The following FILIP1 variants were observed in gnomAD, a reference collection of about 807,000 sequenced individuals.
FILIP1 encodes the protein filamin-A-interacting protein 1.
FILIP1 carries 61 observed loss-of-function variants against 102.1 expected under a neutral mutation model. That is an observed-to-expected ratio of 0.60 (90% CI 0.49 to 0.74). FILIP1 has a LOEUF of 0.74. FILIP1 is among the 30% of genes least tolerant of loss of function. FILIP1 has a pLI of 0.00. For missense variants in FILIP1, 1,314 were observed against 1,441.2 expected (o/e 0.91, Z 1.43); for synonymous variants, 491 against 526.9 (o/e 0.93, Z 0.93).
At chr6:75,419,981 T>C (rs905845741) in intron 1 of FILIP1, among the ~76,000 whole-genome samples, 2 of 152,202 alleles carry the variant, frequency 1.3e-5, no homozygotes, top group South Asian at 4.1e-4. Flanking sequence ...TCTAATTACC[T>C]ACATTTATTA....
chr6:75,482,336 C>T (rs912214597), intron 1 of FILIP1, among the ~76,000 whole-genome samples: 3 of 152,184 alleles, frequency 2.0e-5, no homozygotes, highest in African/African-American at 7.2e-5. Context: ...CAATGGTATT[C>T]ATCAGCTGGA....
At chr6:75,474,002 G>A (rs188503429) in intron 1 of FILIP1, 115 of 152,146 alleles carry the variant, frequency 7.6e-4, no homozygotes, top group African/African-American at 2.8e-3. Context: ...TATCTATTTG[G>A]CCATGTGAAC....
At chr6:75,407,739 A>G (rs1776924329) in intron 2 of FILIP1, among the ~76,000 whole-genome samples, 1 of 152,186 alleles carries the variant, frequency 6.6e-6, no homozygotes, top group Non-Finnish European at 1.5e-5. Flanking sequence ...GGCAGAAGGG[A>G]GCTAACTATA....
At chr6:75,463,759 A>T (rs1399699331) in intron 1 of FILIP1, among the ~76,000 whole-genome samples, 1 of 152,204 alleles carries the variant, frequency 6.6e-6, no homozygotes, top group Non-Finnish European at 1.5e-5. Flanking sequence ...TCATATTAAT[A>T]CCTTTAGATT....
chr6:75,423,501 T>C (rs978788570), intron 1 of FILIP1, among the ~76,000 whole-genome samples: 3 of 152,112 alleles, frequency 2.0e-5, no homozygotes, highest in African/African-American at 7.2e-5. Context: ...CACTGTTTGG[T>C]GGTTTGCTGC....
chr6:75,463,387 G>A (rs2149753610), intron 1 of FILIP1, among the ~76,000 whole-genome samples: 1 of 152,258 alleles, frequency 6.6e-6, no homozygotes, highest in African/African-American at 2.4e-5. Flanking sequence ...TGTGTGTAGT[G>A]GCGGTAAAAC....
At chr6:75,316,671 T>C (rs1220271755) in intron 4 of FILIP1, among the ~76,000 whole-genome samples, 1 of 152,154 alleles carries the variant, frequency 6.6e-6, no homozygotes, top group Non-Finnish European at 1.5e-5. Context: ...TAAAGCATGA[T>C]TGTGTCTCAG....
At chr6:75,435,078 T>C (rs1777967792) in intron 1 of FILIP1, among the ~76,000 whole-genome samples, 1 of 152,222 alleles carries the variant, frequency 6.6e-6, no homozygotes. Context: ...TGCTGCTAGA[T>C]TCAGTTTGCC....
chr6:75,312,913 G>A lies in FILIP1; in HGVS notation c.2919C>T (p.Gly973=). 1 of 1,614,186 alleles carries A rather than the reference G, an allele frequency of 6.2e-7. No homozygotes were observed. The highest frequency in any genetic ancestry group is 1.1e-5 in the South Asian group (1 of 91,082). The change falls in exon 5 of 6, where the codon GGC becomes GGT. Residue 973 remains glycine (G), a synonymous_variant. Transcript: ENST00000237172. ...QKQKSGDTTL[G]PERAMSPVTI... is the part of the protein sequence containing the mutation. Reference sequence around the variant, plus strand: ...TGACTGGGGACATGGCTCGTTCTGGGCCAAGAGTAGTATCTCCACTTTTTT... The same window carrying A: ...TGACTGGGGACATGGCTCGTTCTGGACCAAGAGTAGTATCTCCACTTTTTT...
intron 4 of FILIP1, among the ~76,000 whole-genome samples, chr6:75,315,592 A>C (rs1283461513): frequency 6.6e-6 from 1 of 152,256 alleles, no homozygotes; most frequent in African/African-American, 2.4e-5. Flanking sequence ...ATGACTATTT[A>C]CATAATGTCT....
chr6:75,486,214 G>A (rs144563141), intron 1 of FILIP1, among the ~76,000 whole-genome samples: 8 of 152,322 alleles, frequency 5.3e-5, no homozygotes, highest in Admixed American at 5.2e-4. Flanking sequence ...AGCCCCAACA[G>A]TGTCAAAGGA....
At chr6:75,342,600 C>T (rs1562480723) in intron 4 of FILIP1, among the ~76,000 whole-genome samples, 1 of 152,194 alleles carries the variant, frequency 6.6e-6, no homozygotes, top group Non-Finnish European at 1.5e-5. Context: ...GGGCTTCAAG[C>T]CCTCATTTCT....
At chr6:75,484,416 AGT>A (rs1232964769) in intron 1 of FILIP1, among the ~76,000 whole-genome samples, 4 of 150,706 alleles carry the variant, frequency 2.7e-5, no homozygotes, top group Non-Finnish European at 5.9e-5. Context: ...GTACTTTTAA[AGT>A]ACTGTCTTTT....
In FILIP1 at chr6:75,493,510, G is replaced by T. The variant is rs1458156883; in HGVS notation, c.-103C>A. The stretch of plus-strand genomic sequence containing the variant: ...TTGTCTCACAGCCCAAGACAGATTC[G>T]AGTTCTCAAAAACTATCCAGCCCAA... On this transcript the variant is annotated 5_prime_UTR_variant, in exon 1 of 6. Coordinates refer to ENST00000237172, the MANE Select transcript of FILIP1 (RefSeq NM_015687.5). The T allele has an allele frequency of 6.6e-6, 1 of 152,084 alleles. No individual in the cohort carries two copies. Among genetic ancestry groups the T allele is most frequent in the Non-Finnish European group, 1.5e-5 (1 of 68,018 alleles). 9.4% of individuals were successfully genotyped at this position (152,084 alleles called of 1,614,324 possible).
At chr6:75,420,492 C>T (rs980303581) in intron 1 of FILIP1, among the ~76,000 whole-genome samples, 2 of 152,052 alleles carry the variant, frequency 1.3e-5, no homozygotes, top group African/African-American at 4.8e-5. Flanking sequence ...TGTCCGGTAG[C>T]TGTCCTCTAC....
intron 1 of FILIP1, among the ~76,000 whole-genome samples, chr6:75,430,146 G>T (rs1286304046): frequency 2.6e-5 from 4 of 152,118 alleles, no homozygotes; most frequent in Non-Finnish European, 5.9e-5. Flanking sequence ...GGTTTTATAA[G>T]GGGCTCTTCC....
In FILIP1 at chr6:75,403,524, A is replaced by AAAAAG. The variant is rs1554208658; in HGVS notation, c.276+11172_276+11173insCTTTT. Among the ~76,000 whole-genome samples, 6 of 134,748 alleles carry AAAAAG rather than the reference A, an allele frequency of 4.5e-5. 1 individual carries two copies. Among genetic ancestry groups the AAAAAG allele is most frequent in the Admixed American group, 1.5e-4 (2 of 13,044 alleles). The allele number at this position is 134,748 out of a possible 152,430, so 88.4% of individuals were successfully genotyped here. The stretch of plus-strand genomic sequence containing the variant: ...CAAGACTCTGTCCCACAAAAAAAAA[A>AAAAAG]AAAAAAGAAAAAGAAAAAGAAATAT... On this transcript the variant is annotated intron_variant, in intron 2 of 5. Coordinates refer to ENST00000237172, the MANE Select transcript of FILIP1 (RefSeq NM_015687.5).
intron 2 of FILIP1, among the ~76,000 whole-genome samples, chr6:75,378,035 T>C (rs1775799210): frequency 6.6e-6 from 1 of 152,176 alleles, no homozygotes; most frequent in Non-Finnish European, 1.5e-5. Flanking sequence ...AAACACAGAG[T>C]TGGAGTCCTG....
chr6:75,382,687 C>T (rs977336581), intron 2 of FILIP1, among the ~76,000 whole-genome samples: 2 of 152,184 alleles, frequency 1.3e-5, no homozygotes, highest in Admixed American at 1.3e-4. Flanking sequence ...ACAAGGAAGA[C>T]CTTCGGTTCA....
Sources: gnomAD v4.1 joint callset for allele counts (sites outside exome capture counted in the v4.1 genomes callset) on GRCh38, gnomAD v4.1.1 for gene constraint, MANE v1.5 for transcripts, NCBI Gene and HGNC (gene_info 2026-07-23, HGNC 2026-07-21) for gene names.